The following RDX variants were observed in gnomAD, a reference collection of about 807,000 sequenced individuals.
The protein encoded by RDX is deafness, autosomal recessive 24.
A neutral mutation model predicts 83.7 loss-of-function variants in RDX; 32 were observed. The observed-to-expected ratio is 0.38, with a 90% confidence interval of 0.29 to 0.51. RDX has a LOEUF of 0.51. RDX is among the 20% of genes least tolerant of loss of function. The pLI is 0.87. For synonymous variants in RDX, 229 were observed against 222.7 expected (o/e 1.03, Z -0.25); for missense variants, 600 against 689.9 (o/e 0.87, Z 1.46).
At chr11:110,285,854 T>G (rs1860960650) in intron 1 of RDX, among the ~76,000 whole-genome samples, 1 of 151,888 alleles carries the variant, frequency 6.6e-6, no homozygotes, top group Non-Finnish European at 1.5e-5. Context: ...TAGATGCATA[T>G]CCTGGGGTTC....
intron 14 of RDX, among the ~76,000 whole-genome samples, chr11:110,217,581 C>T (rs1282199026): frequency 6.6e-6 from 1 of 152,192 alleles, no homozygotes; most frequent in Non-Finnish European, 1.5e-5. Flanking sequence ...CCAAGACATG[C>T]TACCAGACCT....
chr11:110,287,450 G>GT (rs1861029966), intron 1 of RDX, among the ~76,000 whole-genome samples: 1 of 152,140 alleles, frequency 6.6e-6, no homozygotes, highest in South Asian at 2.1e-4. Flanking sequence ...AAATAAAGAT[G>GT]TAACTTTTTC....
intron 1 of RDX, among the ~76,000 whole-genome samples, chr11:110,284,609 C>T (rs1423549852): frequency 6.6e-6 from 1 of 151,800 alleles, no homozygotes; most frequent in Non-Finnish European, 1.5e-5. Flanking sequence ...CAAGCTCTGC[C>T]TCCCGGATTT....
chr11:110,283,820 ATATTT>A (rs1244248363), intron 1 of RDX, among the ~76,000 whole-genome samples: 1 of 152,074 alleles, frequency 6.6e-6, no homozygotes, highest in Non-Finnish European at 1.5e-5. Flanking sequence ...ACAGATAAAT[ATATTT>A]TATTTTAAAT....
chr11:110,179,777 C>T (rs11213291), intron 15 of RDX: 179,367 of 322,706 alleles, frequency 0.56, 52,336 homozygotes, highest in East Asian at 0.85. Flanking sequence ...GTCTAAAAAA[C>T]AATTATAATA....
intron 13 of RDX, among the ~76,000 whole-genome samples, chr11:110,232,638 T>G (rs1864685407): frequency 6.6e-6 from 1 of 152,204 alleles, no homozygotes; most frequent in Non-Finnish European, 1.5e-5. Context: ...TTTATTTTTT[T>G]GAGACAGAGT....
chr11:110,221,785 C>T (rs1184009717), intron 14 of RDX, among the ~76,000 whole-genome samples: 1 of 152,174 alleles, frequency 6.6e-6, no homozygotes, highest in Non-Finnish European at 1.5e-5. Context: ...TAAGTGGCCT[C>T]TCATTTCTGT....
At chr11:110,190,402 C>T (rs898042113) in intron 15 of RDX, among the ~76,000 whole-genome samples, 31 of 152,236 alleles carry the variant, frequency 2.0e-4, no homozygotes, top group African/African-American at 5.3e-4. Context: ...TGCAGTGAGC[C>T]GAGACTGTGC....
intron 15 of RDX, among the ~76,000 whole-genome samples, chr11:110,183,752 A>C (rs578184700): frequency 6.6e-6 from 1 of 152,344 alleles, no homozygotes; most frequent in African/African-American, 2.4e-5. Context: ...AGGCCCACTG[A>C]AGGGGCCAGG....
chr11:110,294,127 C>T (rs1450932375), intron 1 of RDX, among the ~76,000 whole-genome samples: 1 of 152,262 alleles, frequency 6.6e-6, no homozygotes, highest in African/African-American at 2.4e-5. Flanking sequence ...GGCGCAGCGG[C>T]TCATGCCTGT....
intron 15 of RDX, chr11:110,185,019 A>T (rs1236027030): frequency 6.6e-6 from 1 of 152,180 alleles, no homozygotes; most frequent in African/African-American, 2.4e-5. Context: ...CCTAACCCGC[A>T]AATGTTTGTA....
At chr11:110,288,234 A>G (rs1458121569) in intron 1 of RDX, 2 of 152,244 alleles carry the variant, frequency 1.3e-5, no homozygotes, top group Non-Finnish European at 2.9e-5. Flanking sequence ...AAATTTATAA[A>G]GCTGAACTGC....
At chr11:110,224,358 A>G (rs560925111) in intron 14 of RDX, among the ~76,000 whole-genome samples, 1 of 152,360 alleles carries the variant, frequency 6.6e-6, no homozygotes, top group Admixed American at 6.5e-5. Flanking sequence ...GTTTTCAACT[A>G]TAAACCAGTA....
intron 15 of RDX, among the ~76,000 whole-genome samples, chr11:110,195,250 C>T (rs1157691277): frequency 3.3e-5 from 5 of 152,146 alleles, no homozygotes; most frequent in Non-Finnish European, 2.9e-5. Flanking sequence ...AGACGTGAGC[C>T]ACCGTGCCCA....
intron 14 of RDX, among the ~76,000 whole-genome samples, chr11:110,216,323 T>C (rs767511140): frequency 7.2e-5 from 11 of 152,058 alleles, no homozygotes; most frequent in Non-Finnish European, 1.6e-4. Context: ...TGGTGTCCAG[T>C]GGGCTACTTC....
chr11:110,269,997 G>A (rs1463886026), intron 3 of RDX, among the ~76,000 whole-genome samples: 9 of 152,140 alleles, frequency 5.9e-5, no homozygotes, highest in South Asian at 4.2e-4. Context: ...AGCCGAGATC[G>A]CACCACTGCA....
chr11:110,202,392 T>TA (rs1271943498), intron 14 of RDX, among the ~76,000 whole-genome samples: 156 of 147,102 alleles, frequency 1.1e-3, no homozygotes, highest in Middle Eastern at 6.9e-3. Flanking sequence ...AGACTTCATC[T>TA]AAAAAAAAAA....
At chr11:110,259,002 G>T (rs984771562) in intron 5 of RDX, among the ~76,000 whole-genome samples, 6 of 151,248 alleles carry the variant, frequency 4.0e-5, no homozygotes, top group Non-Finnish European at 7.4e-5. Context: ...CTCCCAAGTA[G>T]CTGGGATTAT....
chr11:110,179,944 C>T (rs1452473380), intron 15 of RDX: 1 of 391,646 alleles, frequency 2.6e-6, no homozygotes, highest in Non-Finnish European at 4.9e-6. Flanking sequence ...CTTTGTTGCC[C>T]GGGCTGGAGT....
Sources: gnomAD v4.1 joint callset for allele counts (sites outside exome capture counted in the v4.1 genomes callset) on GRCh38, gnomAD v4.1.1 for gene constraint, MANE v1.5 for transcripts, NCBI Gene and HGNC (gene_info 2026-07-23, HGNC 2026-07-21) for gene names.